The following ICA1L variants were observed in gnomAD, a reference collection of about 807,000 sequenced individuals.
The protein encoded by ICA1L is islet cell autoantigen 1-like protein.
In ICA1L, 50 loss-of-function variants were observed where a neutral mutation model predicts 61.3. The observed-to-expected ratio is 0.82, with a 90% confidence interval of 0.65 to 1.03. The LOEUF is 1.03. ICA1L is among the 50% of genes least tolerant of loss of function. ICA1L has a pLI of 0.00. For missense variants in ICA1L, 508 were observed against 556.7 expected, an observed-to-expected ratio of 0.91 and a Z score of 0.88; for synonymous variants, 161 against 191.3, an observed-to-expected ratio of 0.84 and a Z score of 1.31.
chr2:202,828,297 TTTATATTACAC>T, intron 2 of ICA1L, among the ~76,000 whole-genome samples: 1 of 151,216 alleles, frequency 6.6e-6, no homozygotes, highest in South Asian at 2.1e-4. Context: ...TTTTAATTCA[TTTATATTACAC>T]TCTTCTCTAT....
At chr2:202,780,191 A>G (rs1018113325) in intron 12 of ICA1L, among the ~76,000 whole-genome samples, 2 of 152,236 alleles carry the variant, frequency 1.3e-5, no homozygotes, top group African/African-American at 2.4e-5. Flanking sequence ...TATGTTTATT[A>G]TAAAAGTGGT....
rs1245094635 is a variant in ICA1L at position 202,783,820 on chromosome 2, CAATG to C, written c.1333+2094_1333+2097del. Among the ~76,000 whole-genome samples the C allele has an allele frequency of 5.3e-5, 8 of 151,234 alleles. No individual in the cohort carries two copies. In the South Asian group the frequency reaches 8.3e-4, roughly 16 times the overall value. On this transcript the variant is annotated intron_variant, in intron 12 of 12. Coordinates refer to ENST00000358299, the MANE Select transcript of ICA1L (RefSeq NM_001288622.3). ...AATGTCCTTGTTTTTAGGAAATAGA[CAATG>C]AATATTTAGTGGCAGAGAGGCATCA... is the stretch of plus-strand genomic sequence containing the variant.
At chr2:202,825,216 C>T (rs1448488168) in intron 3 of ICA1L, among the ~76,000 whole-genome samples, 1 of 152,162 alleles carries the variant, frequency 6.6e-6, no homozygotes, top group African/African-American at 2.4e-5. Context: ...CACCTGTAAT[C>T]CCAGTACTTT....
intron 11 of ICA1L, among the ~76,000 whole-genome samples, chr2:202,788,266 A>G (rs1053270836): frequency 6.6e-6 from 1 of 152,146 alleles, no homozygotes; most frequent in Non-Finnish European, 1.5e-5. Flanking sequence ...TAGGAAACCA[A>G]ATGAGGCTCT....
In ICA1L at chr2:202,815,899, A is replaced by C. The variant is rs1420719891; in HGVS notation, c.783+12T>G. 6.6e-7 allele frequency: 1 copy of C among 1,504,722 alleles called. No homozygotes were observed. Among genetic ancestry groups the C allele is most frequent in the African/African-American group, 1.4e-5 (1 of 69,918 alleles). 93.2% of individuals were successfully genotyped at this position (1,504,722 alleles called of 1,614,324 possible). On this transcript the variant is annotated intron_variant, in intron 7 of 12. Coordinates refer to ENST00000358299, the MANE Select transcript of ICA1L (RefSeq NM_001288622.3). ...AATACATCTAAACAAGAGAACATGG[A>C]ACACAATGTACCTTGAGAGCTACAA...
intron 1 of ICA1L, among the ~76,000 whole-genome samples, chr2:202,863,684 C>A (rs879261853): frequency 6.6e-6 from 1 of 151,308 alleles, no homozygotes; most frequent in East Asian, 2.0e-4. Flanking sequence ...AAAATCAGCC[C>A]GGCGTGGTGG....
intron 1 of ICA1L, among the ~76,000 whole-genome samples, chr2:202,847,042 G>A (rs1056582879): frequency 1.3e-5 from 2 of 152,188 alleles, no homozygotes; most frequent in African/African-American, 4.8e-5. Context: ...GATTTTAACA[G>A]CAGGAGGCAA....
In ICA1L at chr2:202,778,713, A is replaced by G. The variant is rs1331911649; in HGVS notation, c.*820T>C. 2 of 152,604 alleles carry G rather than the reference A, an allele frequency of 1.3e-5. No homozygotes were observed. Among genetic ancestry groups the G allele is most frequent in the Non-Finnish European group, 2.9e-5 (2 of 68,030 alleles). 9.5% of individuals were successfully genotyped at this position (152,604 alleles called of 1,614,324 possible). On this transcript the variant is annotated 3_prime_UTR_variant, in exon 13 of 13. Coordinates refer to ENST00000358299, the MANE Select transcript of ICA1L (RefSeq NM_001288622.3). The stretch of plus-strand genomic sequence containing the variant: ...AGGAATAATATAAATACTGCATACT[A>G]CTATATAGCAAGTGTATGAAAAAGT...
chr2:202,865,794 T>C (rs1687494600), intron 1 of ICA1L, among the ~76,000 whole-genome samples: 1 of 152,106 alleles, frequency 6.6e-6, no homozygotes. Context: ...GGAAGTGAAA[T>C]TTTATTTTTT....
chr2:202,851,880 G>C (rs1222905660), intron 1 of ICA1L, among the ~76,000 whole-genome samples: 1 of 152,004 alleles, frequency 6.6e-6, no homozygotes, highest in Non-Finnish European at 1.5e-5. Context: ...AAATTTGTTT[G>C]AGTTCTTTGT....
chr2:202,831,781 AT>A (rs1439906746), intron 1 of ICA1L, among the ~76,000 whole-genome samples: 1 of 152,160 alleles, frequency 6.6e-6, no homozygotes, highest in African/African-American at 2.4e-5. Context: ...AAAAGGTGAG[AT>A]TTGCACATTT....
chr2:202,785,047 G>A (rs1468883871), intron 12 of ICA1L, among the ~76,000 whole-genome samples: 1 of 151,702 alleles, frequency 6.6e-6, no homozygotes, highest in Non-Finnish European at 1.5e-5. Context: ...GTGAAACCCT[G>A]TCTCTACTAA....
In ICA1L at chr2:202,825,719, C is replaced by G. The variant is rs747898813; in HGVS notation, c.211G>C (p.Glu71Gln). Residue 71 changes from glutamate to glutamine, a missense_variant, in exon 3 of 13, where the codon GAG becomes CAG. Coordinates refer to ENST00000358299, the MANE Select transcript of ICA1L (RefSeq NM_001288622.3). ...ETCTELLKII[E>Q]KYQLRLNVIS... ...CCATTGAGTCTTAGCTGGTATTTCTCGATTATCTTCAGAAGTTCAGTGCAT... is the reference window on the plus strand; with the variant it reads ...CCATTGAGTCTTAGCTGGTATTTCTGGATTATCTTCAGAAGTTCAGTGCAT... 6.4e-7 allele frequency: 1 copy of G among 1,568,108 alleles called. No homozygotes were observed. The highest frequency in any genetic ancestry group is 8.8e-7 in the Non-Finnish European group (1 of 1,142,080).
chr2:202,785,858 T>G, intron 12 of ICA1L, 60 bp downstream of exon 12: 2 of 944,122 alleles, frequency 2.1e-6, no homozygotes, highest in South Asian at 1.5e-5. Context: ...TTTTCTAAAT[T>G]TATCTGAATT....
chr2:202,821,981 T>A (rs1693716437), intron 3 of ICA1L, among the ~76,000 whole-genome samples: 1 of 152,210 alleles, frequency 6.6e-6, no homozygotes, highest in Middle Eastern at 3.2e-3. Context: ...TCTAGTGCAC[T>A]GCTATTCAAA....
chr2:202,793,322 AC>A (rs541063975), intron 10 of ICA1L, among the ~76,000 whole-genome samples: 129 of 152,030 alleles, frequency 8.5e-4, no homozygotes, highest in African/African-American at 2.8e-3. Context: ...ACACACATGT[AC>A]AAGAAAGCAT....
intron 11 of ICA1L, among the ~76,000 whole-genome samples, chr2:202,787,528 ATTCT>A (rs1418759702): frequency 1.2e-4 from 18 of 152,236 alleles, no homozygotes; most frequent in Admixed American, 2.6e-4. Flanking sequence ...AATATTGTCT[ATTCT>A]TTCTTTTATT....
chr2:202,809,160 A>G (rs1182538952), intron 9 of ICA1L, among the ~76,000 whole-genome samples: 1 of 152,132 alleles, frequency 6.6e-6, no homozygotes, highest in Admixed American at 6.5e-5. Context: ...CAGAGAAGGA[A>G]TTCAGAATCC....
At chr2:202,862,397 G>T (rs1004333395) in intron 1 of ICA1L, among the ~76,000 whole-genome samples, 1 of 151,800 alleles carries the variant, frequency 6.6e-6, no homozygotes, top group Non-Finnish European at 1.5e-5. Flanking sequence ...GAGGCTGCAG[G>T]GAGTGAGCAA....
Sources: allele counts gnomAD v4.1 joint callset (sites outside exome capture counted in the v4.1 genomes callset), GRCh38; gene constraint gnomAD v4.1.1; transcripts MANE v1.5; gene names NCBI Gene and HGNC (gene_info 2026-07-23, HGNC 2026-07-21).